The following DGKB variants were observed in gnomAD, a reference collection of about 807,000 sequenced individuals.
The protein encoded by DGKB is diacylglycerol kinase beta.
DGKB carries 67 observed loss-of-function variants against 114.3 expected under a neutral mutation model. The ratio of observed to expected loss-of-function variants is 0.59; its 90% CI spans 0.48 to 0.72. DGKB has a LOEUF of 0.72. Ranked by LOEUF, DGKB falls within the 30% of genes least tolerant of loss-of-function variation. The pLI, the probability that DGKB is intolerant of heterozygous loss-of-function variation, is 0.00. For synonymous variants in DGKB, 398 were observed against 323.1 expected, an observed-to-expected ratio of 1.23 and a Z score of -2.49; for missense variants, 907 against 975.2, an observed-to-expected ratio of 0.93 and a Z score of 0.93.
intron 2 of DGKB, among the ~76,000 whole-genome samples, chr7:14,838,305 T>C (rs547106428): frequency 6.6e-6 from 1 of 152,332 alleles, no homozygotes; most frequent in East Asian, 1.9e-4. Flanking sequence ...GCAATAGCAA[T>C]TATGAATAAA....
At chr7:14,757,757 T>C in intron 2 of DGKB, 26 bp from the exon 3 acceptor site, 1 of 1,362,494 alleles carries the variant, frequency 7.3e-7, no homozygotes, top group Middle Eastern at 1.8e-4. Flanking sequence ...AACACAAAAA[T>C]TGTTTATATG....
At chr7:14,442,626 G>A (rs908683996) in intron 21 of DGKB, among the ~76,000 whole-genome samples, 29 of 152,086 alleles carry the variant, frequency 1.9e-4, no homozygotes, top group African/African-American at 6.8e-4. Context: ...TAAATTTCCT[G>A]TAAATTTCTA....
intron 20 of DGKB, among the ~76,000 whole-genome samples, chr7:14,523,651 T>C (rs1165593473): frequency 6.6e-6 from 1 of 152,160 alleles, no homozygotes; most frequent in Non-Finnish European, 1.5e-5. Flanking sequence ...GAAATTGTTA[T>C]ATAATACAAA....
chr7:14,828,498 A>G (rs1353066438), intron 2 of DGKB, among the ~76,000 whole-genome samples: 1 of 152,130 alleles, frequency 6.6e-6, no homozygotes, highest in African/African-American at 2.4e-5. Context: ...GAAGGGGCGT[A>G]ACAACATGGG....
intron 25 of DGKB, among the ~76,000 whole-genome samples, chr7:14,150,656 T>A (rs189891808): frequency 5.5e-4 from 83 of 152,200 alleles, no homozygotes; most frequent in African/African-American, 1.8e-3. Flanking sequence ...TCATCTTATT[T>A]TTGTTATCTT....
Position 14,875,967 on chromosome 7 carries a change from C to T in DGKB, c.-188+26625G>A, listed in dbSNP as rs1020422290. ...GATAAAAGGAAATCATCTCCTTACA[C>T]GGTTGAGCATTATTCAGGTAAAAAA... On this transcript the variant is annotated intron_variant, in intron 1 of 25. Transcript: ENST00000402815. Among the ~76,000 whole-genome samples, 8 of 152,244 alleles carry T rather than the reference C, an allele frequency of 5.3e-5. No homozygotes were observed. The East Asian group carries it at 9.7e-4, about 18-fold the overall frequency.
At chr7:14,260,612 A>G (rs994397289) in intron 23 of DGKB, among the ~76,000 whole-genome samples, 2 of 152,148 alleles carry the variant, frequency 1.3e-5, no homozygotes, top group Non-Finnish European at 2.9e-5. Context: ...TTCACTTCCT[A>G]TTACATCAGT....
intron 23 of DGKB, among the ~76,000 whole-genome samples, chr7:14,247,435 C>G (rs1292423029): frequency 6.6e-6 from 1 of 152,096 alleles, no homozygotes; most frequent in Admixed American, 6.6e-5. Context: ...ATACATTTTT[C>G]CATAATGGCT....
At chr7:14,723,081 C>T (rs1829467435) in intron 5 of DGKB, among the ~76,000 whole-genome samples, 1 of 145,382 alleles carries the variant, frequency 6.9e-6, no homozygotes, top group Non-Finnish European at 1.5e-5. Flanking sequence ...ACTTATCTTC[C>T]TCGATTGCAG....
At chr7:14,373,172 G>T (rs1274827936) in intron 21 of DGKB, among the ~76,000 whole-genome samples, 1 of 152,154 alleles carries the variant, frequency 6.6e-6, no homozygotes, top group African/African-American at 2.4e-5. Context: ...CAGAAACAGA[G>T]CTCTGCAACC....
rs144987161 is a variant in DGKB, at chr7:14,398,497, C to T, written c.1836-53106G>A. ...ACACTATCATTTTCAAAAGAAATAGCGAGGCAAAGCTATAAAATTCTTTTA... is the reference window on the plus strand; with the variant it reads ...ACACTATCATTTTCAAAAGAAATAGTGAGGCAAAGCTATAAAATTCTTTTA... On this transcript the variant is annotated intron_variant, in intron 21 of 25. Coordinates refer to ENST00000402815, the MANE Select transcript of DGKB (RefSeq NM_001350709.2). 7.9e-4 allele frequency among the ~76,000 whole-genome samples: 120 copies of T among 151,930 alleles called. 1 individual carries two copies. The highest frequency in any genetic ancestry group is 3.4e-3 in the Middle Eastern group (1 of 294).
intron 23 of DGKB, among the ~76,000 whole-genome samples, chr7:14,292,538 C>T (rs1206592838): frequency 1.3e-5 from 2 of 152,136 alleles, no homozygotes; most frequent in Non-Finnish European, 2.9e-5. Context: ...TGTTTTTGAG[C>T]CCCCAAATAG....
chr7:14,687,512 ATACTT>A (rs1469519996), intron 9 of DGKB, among the ~76,000 whole-genome samples: 1 of 152,154 alleles, frequency 6.6e-6, no homozygotes, highest in African/African-American at 2.4e-5. Context: ...CGTGAATAGA[ATACTT>A]TATATATTTA....
chr7:14,509,587 T>C (rs1219580112), intron 20 of DGKB, among the ~76,000 whole-genome samples: 2 of 152,160 alleles, frequency 1.3e-5, no homozygotes, highest in Non-Finnish European at 2.9e-5. Flanking sequence ...ACTCACGAGT[T>C]CTCCTTCACA....
intron 23 of DGKB, among the ~76,000 whole-genome samples, chr7:14,255,120 T>G (rs13438469): frequency 0.15 from 23,003 of 152,206 alleles, 1,915 homozygotes; most frequent in African/African-American, 0.2. Flanking sequence ...TCTGAATCTG[T>G]TGTCAGAACA....
chr7:14,808,067 A>T (rs1455233019), intron 2 of DGKB, among the ~76,000 whole-genome samples: 1 of 152,020 alleles, frequency 6.6e-6, no homozygotes, highest in Non-Finnish European at 1.5e-5. Context: ...TCCAACCCAT[A>T]TTCTAATATC....
intron 1 of DGKB, among the ~76,000 whole-genome samples, chr7:14,901,107 A>G (rs1782978502): frequency 6.6e-6 from 1 of 152,206 alleles, no homozygotes. Flanking sequence ...GATACTATGT[A>G]TGTGTGTGGC....
At chr7:14,751,468 G>A (rs566728251) in intron 4 of DGKB, among the ~76,000 whole-genome samples, 2 of 152,250 alleles carry the variant, frequency 1.3e-5, no homozygotes, top group African/African-American at 2.4e-5. Context: ...TGGTATAATT[G>A]TATTTTATAA....
chr7:14,919,668 G>A (rs186769897), intron 1 of DGKB, among the ~76,000 whole-genome samples: 16 of 152,252 alleles, frequency 1.1e-4, no homozygotes, highest in Admixed American at 4.6e-4. Flanking sequence ...ATATTATTTG[G>A]TGATAAAGGG....
Sources: gnomAD v4.1 joint callset for allele counts (sites outside exome capture counted in the v4.1 genomes callset) on GRCh38, gnomAD v4.1.1 for gene constraint, MANE v1.5 for transcripts, NCBI Gene and HGNC (gene_info 2026-07-23, HGNC 2026-07-21) for gene names.